LDLRAD4: variants seen among roughly 807,000 people sequenced by gnomAD.
LDLRAD4 encodes the protein low density lipoprotein receptor class A domain containing 4.
LDLRAD4 carries 5 observed loss-of-function variants against 17.0 expected under a neutral mutation model. The observed-to-expected ratio is 0.29, with a 90% CI of 0.15 to 0.62. The LOEUF (loss-of-function observed/expected upper bound fraction) is 0.62, where lower values mean the gene tolerates loss of function less well. Ranked by LOEUF, LDLRAD4 falls within the 20% of genes least tolerant of loss-of-function variation. LDLRAD4 has a pLI of 0.84. For missense variants in LDLRAD4, 340 were observed against 424.7 expected (o/e 0.80, Z 1.75); for synonymous variants, 168 against 171.8 (o/e 0.98, Z 0.17).
chr18:13,546,102 G>T (rs1334121468), intron 3 of LDLRAD4, among the ~76,000 whole-genome samples: 1 of 152,182 alleles, frequency 6.6e-6, no homozygotes, highest in Non-Finnish European at 1.5e-5. Context: ...TTTAGCCCCT[G>T]CTTGGTGGGG....
intron 1 of LDLRAD4, among the ~76,000 whole-genome samples, chr18:13,368,630 C>T (rs1194809791): frequency 6.6e-6 from 1 of 152,188 alleles, no homozygotes; most frequent in Non-Finnish European, 1.5e-5. Context: ...CACAGAGTGC[C>T]TCCTGCACCT....
intron 3 of LDLRAD4, among the ~76,000 whole-genome samples, chr18:13,467,296 G>A (rs2092649869): frequency 6.6e-6 from 1 of 152,212 alleles, no homozygotes; most frequent in Non-Finnish European, 1.5e-5. Context: ...GAATTCAGCA[G>A]AATTGCTGGG....
chr18:13,264,145 A>G (rs1484505036), intron 1 of LDLRAD4, among the ~76,000 whole-genome samples: 1 of 152,042 alleles, frequency 6.6e-6, no homozygotes, highest in Non-Finnish European at 1.5e-5. Flanking sequence ...AGAGTTGAGC[A>G]GTTGGTTGAG....
At chr18:13,637,926 T>C (rs1382112827) in intron 4 of LDLRAD4, among the ~76,000 whole-genome samples, 3 of 151,292 alleles carry the variant, frequency 2.0e-5, no homozygotes, top group Non-Finnish European at 4.4e-5. Context: ...CCCCTTTAAC[T>C]GTGCATAACA....
At chr18:13,496,062 C>T (rs747736854) in intron 3 of LDLRAD4, among the ~76,000 whole-genome samples, 1 of 152,094 alleles carries the variant, frequency 6.6e-6, no homozygotes, top group African/African-American at 2.4e-5. Flanking sequence ...GATTTGGCTG[C>T]GTATAGAGGA....
At chr18:13,468,084 A>T (rs1186897613) in intron 3 of LDLRAD4, among the ~76,000 whole-genome samples, 1 of 152,146 alleles carries the variant, frequency 6.6e-6, no homozygotes, top group Admixed American at 6.5e-5. Flanking sequence ...ATGGCAGTGG[A>T]TTCTTAGCTA....
At chr18:13,386,161 T>G (rs868286271) in intron 1 of LDLRAD4, among the ~76,000 whole-genome samples, 1 of 152,242 alleles carries the variant, frequency 6.6e-6, no homozygotes, top group Admixed American at 6.5e-5. Flanking sequence ...AGAATGAGAT[T>G]ACATTTTCTA....
chr18:13,335,359 T>G (rs1410803877), intron 1 of LDLRAD4, among the ~76,000 whole-genome samples: 4 of 152,220 alleles, frequency 2.6e-5, no homozygotes, highest in African/African-American at 9.6e-5. Context: ...TATCTTCATA[T>G]GTATATTACT....
chr18:13,602,493 ATTTTTTT>A (rs36122294), intron 3 of LDLRAD4, among the ~76,000 whole-genome samples: 5 of 95,022 alleles, frequency 5.3e-5, no homozygotes, highest in African/African-American at 2.0e-4. Context: ...ATGGCATTTA[ATTTTTTT>A]TTTTTTTTTT....
At chr18:13,293,812 T>C (rs1293775459) in intron 1 of LDLRAD4, among the ~76,000 whole-genome samples, 16 of 152,230 alleles carry the variant, frequency 1.1e-4, no homozygotes, top group Non-Finnish European at 2.1e-4. Flanking sequence ...TGAAGCTACA[T>C]GTAAACTTTA....
intron 1 of LDLRAD4, among the ~76,000 whole-genome samples, chr18:13,230,758 G>A (rs2042030759): frequency 6.6e-6 from 1 of 152,158 alleles, no homozygotes; most frequent in Non-Finnish European, 1.5e-5. Context: ...AATTACTTTT[G>A]TAGCTTTCAG....
At chr18:13,362,528 C>A (rs937831377) in intron 1 of LDLRAD4, 6 of 152,186 alleles carry the variant, frequency 3.9e-5, no homozygotes, top group African/African-American at 1.4e-4. Context: ...AGCCATGCGG[C>A]CTTCAGATTG....
At chr18:13,548,738 C>T (rs991299982) in intron 3 of LDLRAD4, among the ~76,000 whole-genome samples, 1 of 152,180 alleles carries the variant, frequency 6.6e-6, no homozygotes, top group African/African-American at 2.4e-5. Flanking sequence ...AGTGGGGCTC[C>T]TGCCCCACCA....
At chr18:13,435,686 G>C (rs934083112) in intron 2 of LDLRAD4, among the ~76,000 whole-genome samples, 2 of 152,218 alleles carry the variant, frequency 1.3e-5, no homozygotes, top group Non-Finnish European at 2.9e-5. Flanking sequence ...GGACTCAAAT[G>C]ATCCTCCTGC....
chr18:13,486,735 C>A (rs2093232772), intron 3 of LDLRAD4: 1 of 152,212 alleles, frequency 6.6e-6, no homozygotes, highest in Non-Finnish European at 1.5e-5. Context: ...ACTGGAAACA[C>A]TTGTGTGAAA....
intron 1 of LDLRAD4, among the ~76,000 whole-genome samples, chr18:13,292,202 C>T (rs1173296694): frequency 6.6e-6 from 1 of 152,208 alleles, no homozygotes; most frequent in Non-Finnish European, 1.5e-5. Context: ...TCCTCATTCA[C>T]TGGCTTGGGT....
At chr18:13,258,479 G>A (rs765356907) in intron 1 of LDLRAD4, among the ~76,000 whole-genome samples, 9 of 152,124 alleles carry the variant, frequency 5.9e-5, no homozygotes, top group Non-Finnish European at 5.9e-5. Context: ...TATGGTCATG[G>A]AATTGGCTAT....
At chr18:13,222,372 AT>A (rs1159522434) in intron 1 of LDLRAD4, among the ~76,000 whole-genome samples, 1 of 149,058 alleles carries the variant, frequency 6.7e-6, no homozygotes, top group East Asian at 2.0e-4. Context: ...GATGACAACT[AT>A]TTTTTTTTAA....
At chr18:13,255,560 C>T (rs2145877098) in intron 1 of LDLRAD4, among the ~76,000 whole-genome samples, 1 of 152,308 alleles carries the variant, frequency 6.6e-6, no homozygotes, top group Middle Eastern at 3.4e-3. Flanking sequence ...TGTGATTTCC[C>T]ATAGGGCCCA....
Sources: gnomAD v4.1 joint callset for allele counts (sites outside exome capture counted in the v4.1 genomes callset) on GRCh38, gnomAD v4.1.1 for gene constraint, MANE v1.5 for transcripts, NCBI Gene and HGNC (gene_info 2026-07-23, HGNC 2026-07-21) for gene names.